Variants in ADCY9 observed in about 807,000 individuals in gnomAD.
ADCY9 encodes the protein adenylate cyclase type 9.
A neutral mutation model predicts 101.5 loss-of-function variants in ADCY9; 50 were observed. That is an observed-to-expected ratio of 0.49 (90% confidence interval 0.39 to 0.62). The LOEUF is 0.62. Among genes scored for constraint, ADCY9 ranks in the 20% least tolerant of loss-of-function variants. The pLI is 0.00. For synonymous variants in ADCY9, 905 were observed against 769.3 expected (o/e 1.18, Z -2.92); for missense variants, 1,662 against 1,800.4 (o/e 0.92, Z 1.39).
At chr16:4,075,612 A>C (rs750583170) in intron 2 of ADCY9, among the ~76,000 whole-genome samples, 1 of 152,246 alleles carries the variant, frequency 6.6e-6, no homozygotes, top group Non-Finnish European at 1.5e-5. Context: ...TCTGCTAAAC[A>C]CCATACACCA....
At chr16:4,041,920 T>TG (rs71394645) in intron 2 of ADCY9, among the ~76,000 whole-genome samples, 4 of 3,274 alleles carry the variant, frequency 1.2e-3, no homozygotes, top group African/African-American at 3.8e-3. Context: ...CCCAGCTAAG[T>TG]TTTTTTTTTT....
At chr16:4,108,833 G>A (rs2057096052) in intron 2 of ADCY9, among the ~76,000 whole-genome samples, 1 of 151,346 alleles carries the variant, frequency 6.6e-6, no homozygotes, top group South Asian at 2.1e-4. Flanking sequence ...AGCATCCCGA[G>A]TAGCTGGGAT....
chr16:3,989,813 G>A (rs558177836), intron 5 of ADCY9, among the ~76,000 whole-genome samples: 7 of 152,324 alleles, frequency 4.6e-5, no homozygotes, highest in African/African-American at 1.2e-4. Context: ...GGCTTCAAAC[G>A]AAAACATAAT....
At chr16:4,075,844 C>CTAA (rs34299531) in intron 2 of ADCY9, among the ~76,000 whole-genome samples, 80,372 of 151,714 alleles carry the variant, frequency 0.53, 21,455 homozygotes, top group East Asian at 0.59. Context: ...AGATACCTGG[C>CTAA]TGAGAGTATC....
intron 3 of ADCY9, among the ~76,000 whole-genome samples, chr16:4,005,901 C>T (rs908836237): frequency 3.3e-5 from 5 of 152,170 alleles, no homozygotes; most frequent in African/African-American, 7.2e-5. Context: ...TTCCCGATTC[C>T]ACCCCACGCC....
Position 4,060,528 on chromosome 16 carries a change from C to G in ADCY9, c.1694-52970G>C, listed in dbSNP as rs149310916. ...CAAACTGTGAAAAGCATTAGTAGCT[C>G]AAGGTGTTTCAGCACACCTCTGAAT... is the stretch of plus-strand genomic sequence containing the variant. On this transcript the variant is annotated intron_variant, in intron 2 of 10. Coordinates refer to ENST00000294016, the MANE Select transcript of ADCY9 (RefSeq NM_001116.4). 9.2e-4 allele frequency among the ~76,000 whole-genome samples: 140 copies of G among 152,282 alleles called. 1 individual carries two copies. The highest frequency in any genetic ancestry group is 3.3e-3 in the African/African-American group (136 of 41,554).
At chr16:4,080,388 C>T (rs550984937) in intron 2 of ADCY9, among the ~76,000 whole-genome samples, 1 of 152,158 alleles carries the variant, frequency 6.6e-6, no homozygotes, top group Non-Finnish European at 1.5e-5. Context: ...AGACTACAGG[C>T]GTGCGCCACC....
chr16:4,061,253 T>A (rs2056771922), intron 2 of ADCY9, among the ~76,000 whole-genome samples: 2 of 150,222 alleles, frequency 1.3e-5, no homozygotes, highest in South Asian at 2.1e-4. Flanking sequence ...ATAAAGGAAG[T>A]TTCAAAAGAA....
At chr16:4,051,048 A>G (rs572520586) in intron 2 of ADCY9, among the ~76,000 whole-genome samples, 109 of 151,630 alleles carry the variant, frequency 7.2e-4, no homozygotes, top group Non-Finnish European at 1.4e-3. Context: ...CCCCATCTCT[A>G]CTAAATATAC....
intron 3 of ADCY9, among the ~76,000 whole-genome samples, chr16:3,999,055 T>C (rs1208875241): frequency 6.6e-6 from 1 of 152,114 alleles, no homozygotes; most frequent in Non-Finnish European, 1.5e-5. Flanking sequence ...CTGTGAAATG[T>C]TTCCCAGCCG....
chr16:4,110,590 A>G (rs1164603710), intron 2 of ADCY9, among the ~76,000 whole-genome samples: 2 of 151,936 alleles, frequency 1.3e-5, no homozygotes, highest in Non-Finnish European at 2.9e-5. Flanking sequence ...GGGTTTCACT[A>G]TATTGGCCAC....
chr16:3,985,744 CAG>C (rs2056186800), intron 6 of ADCY9, among the ~76,000 whole-genome samples: 1 of 152,064 alleles, frequency 6.6e-6, no homozygotes, highest in African/African-American at 2.4e-5. Context: ...TGGACGCTGC[CAG>C]AGGCCCCGCT....
intron 2 of ADCY9, among the ~76,000 whole-genome samples, chr16:4,053,300 TA>T (rs779319468): frequency 2.6e-5 from 4 of 152,204 alleles, no homozygotes; most frequent in Non-Finnish European, 5.9e-5. Context: ...CATCTAAGAT[TA>T]ACAGTGAAGA....
intron 2 of ADCY9, among the ~76,000 whole-genome samples, chr16:4,097,283 C>T (rs1487484848): frequency 2.6e-5 from 4 of 151,576 alleles, no homozygotes; most frequent in Admixed American, 6.6e-5. Context: ...TCAGCCCTCT[C>T]GGCCACCACC....
At chr16:4,059,741 C>T (rs895034592) in intron 2 of ADCY9, among the ~76,000 whole-genome samples, 6 of 151,930 alleles carry the variant, frequency 3.9e-5, no homozygotes, top group Non-Finnish European at 7.4e-5. Flanking sequence ...CAACGAAAAA[C>T]AAAAAAGTCA....
Position 4,007,371 on chromosome 16 carries a change from A to C in ADCY9, c.1881T>G (p.Leu627=), listed in dbSNP as rs1335630094. 3.2e-6 allele frequency: 5 copies of C among 1,563,744 alleles called. No individual in the cohort carries two copies. Among genetic ancestry groups the C allele is most frequent in the Non-Finnish European group, 4.3e-6 (5 of 1,159,936 alleles). ...LAQTVKTFDN[L]KTCPSCGITF... is the part of the protein sequence containing the mutation. ...AAAAAAAAACAAAAAAACTAACCTT[A>C]AGGTTATCAAAGGTTTTGACAGTCT... The change falls in exon 3 of 11, where the codon CTT becomes CTG. Residue 627 remains leucine, a synonymous_variant. Transcript: ENST00000294016.
At chr16:3,971,871 C>G (rs972168259) in intron 10 of ADCY9, among the ~76,000 whole-genome samples, 4 of 152,200 alleles carry the variant, frequency 2.6e-5, no homozygotes, top group South Asian at 4.1e-4. Flanking sequence ...ACAGCTCACT[C>G]TAATCTGCGG....
chr16:4,093,671 A>G (rs1024468639), intron 2 of ADCY9, among the ~76,000 whole-genome samples: 1 of 152,202 alleles, frequency 6.6e-6, no homozygotes, highest in Admixed American at 6.5e-5. Context: ...GCTGGAGAAT[A>G]TCACTTGAGC....
At chr16:4,025,704 G>C (rs944645379) in intron 2 of ADCY9, among the ~76,000 whole-genome samples, 3 of 152,220 alleles carry the variant, frequency 2.0e-5, no homozygotes, top group African/African-American at 7.2e-5. Flanking sequence ...CAGCTGCAGA[G>C]AAGGCAGAAC....
Sources: gnomAD v4.1 joint callset for allele counts (sites outside exome capture counted in the v4.1 genomes callset) on GRCh38, gnomAD v4.1.1 for gene constraint, MANE v1.5 for transcripts, NCBI Gene and HGNC (gene_info 2026-07-23, HGNC 2026-07-21) for gene names.